The following RUNX1 variants were observed in gnomAD, a reference collection of about 807,000 sequenced individuals.
The protein encoded by RUNX1 is runt-related transcription factor 1.
A neutral mutation model predicts 42.8 loss-of-function variants in RUNX1; 19 were observed. The ratio of observed to expected loss-of-function variants is 0.44; its 90% CI spans 0.31 to 0.65. The LOEUF (loss-of-function observed/expected upper bound fraction) is 0.65. RUNX1 is among the 30% of genes least tolerant of loss of function. The pLI is 0.07. For missense variants in RUNX1, 528 were observed against 672.0 expected, an observed-to-expected ratio of 0.79 and a Z score of 2.37; for synonymous variants, 271 against 289.4, an observed-to-expected ratio of 0.94 and a Z score of 0.64.
At chr21:35,007,158 A>T (rs2059091202) in intron 2 of RUNX1, among the ~76,000 whole-genome samples, 1 of 152,248 alleles carries the variant, frequency 6.6e-6, no homozygotes, top group African/African-American at 2.4e-5. Context: ...ATTGAAATGT[A>T]ACATTTGGCT....
intron 2 of RUNX1, among the ~76,000 whole-genome samples, chr21:34,992,502 G>A (rs1466918625): frequency 6.6e-6 from 1 of 152,048 alleles, no homozygotes; most frequent in Non-Finnish European, 1.5e-5. Context: ...ATTAGGCAGT[G>A]AGATTGGTCC....
intron 2 of RUNX1, among the ~76,000 whole-genome samples, chr21:34,896,010 G>C (rs1417454356): frequency 2.0e-5 from 3 of 151,618 alleles, no homozygotes; most frequent in Non-Finnish European, 4.4e-5. Context: ...AGGTGAGGGA[G>C]GGGGAGGAGT....
chr21:35,017,401 T>C (rs975245689), intron 2 of RUNX1, among the ~76,000 whole-genome samples: 3 of 152,200 alleles, frequency 2.0e-5, no homozygotes, highest in South Asian at 2.1e-4. Context: ...GGGGGGACAA[T>C]TGCATCATCA....
chr21:34,937,140 G>T (rs753493951), intron 2 of RUNX1, among the ~76,000 whole-genome samples: 3 of 151,970 alleles, frequency 2.0e-5, no homozygotes, highest in South Asian at 4.2e-4. Flanking sequence ...ACCTAATAAA[G>T]CCTCACTGAA....
intron 2 of RUNX1, among the ~76,000 whole-genome samples, chr21:35,045,981 C>T (rs1219043978): frequency 6.6e-6 from 1 of 152,134 alleles, no homozygotes; most frequent in East Asian, 1.9e-4. Flanking sequence ...AACAAGGCTA[C>T]CTGAGCCATT....
chr21:34,908,859 G>C (rs1036248151), intron 2 of RUNX1, among the ~76,000 whole-genome samples: 26 of 152,178 alleles, frequency 1.7e-4, no homozygotes, highest in African/African-American at 5.3e-4. Context: ...ATATGTAACA[G>C]GCTTATCTTA....
At chr21:35,015,550 G>A (rs1043280104) in intron 2 of RUNX1, among the ~76,000 whole-genome samples, 1 of 152,174 alleles carries the variant, frequency 6.6e-6, no homozygotes, top group Non-Finnish European at 1.5e-5. Context: ...TGGAAGAGGT[G>A]GTGGCTGAGG....
chr21:34,995,435 CTTTTT>C (rs5843694), intron 2 of RUNX1, among the ~76,000 whole-genome samples: 9 of 82,074 alleles, frequency 1.1e-4, no homozygotes, highest in African/African-American at 3.4e-4. Flanking sequence ...TTTCTGGGAG[CTTTTT>C]TTTTTTTTTT....
intron 2 of RUNX1, among the ~76,000 whole-genome samples, chr21:34,930,291 T>TATAA (rs1569110394): frequency 6.5e-5 from 9 of 138,818 alleles, no homozygotes; most frequent in African/African-American, 2.3e-4. Flanking sequence ...TATATATATA[T>TATAA]AAATAAATAA....
intron 2 of RUNX1, among the ~76,000 whole-genome samples, chr21:34,967,928 G>A (rs2058733234): frequency 6.6e-6 from 1 of 152,184 alleles, no homozygotes; most frequent in South Asian, 2.1e-4. Context: ...TAGGTGCTGT[G>A]GCTGAGGCAA....
rs191295966 is a variant in RUNX1 at position 34,994,195 on chromosome 21, C to A, written c.58+54647G>T. Among the ~76,000 whole-genome samples the A allele has an allele frequency of 3.7e-3, 489 of 133,152 alleles. 15 individuals carry two copies. Among genetic ancestry groups the A allele is most frequent in the Admixed American group, 0.032 (442 of 13,784 alleles). The allele number at this position is 133,152 out of a possible 152,430, so 87.4% of individuals were successfully genotyped here. On this transcript the variant is annotated intron_variant, in intron 2 of 8. Coordinates refer to ENST00000675419, the MANE Select transcript of RUNX1 (RefSeq NM_001754.5). The stretch of plus-strand genomic sequence containing the variant: ...GTACCAGAACATCTAGACGGAACCA[C>A]ATTTTTTTTTACCATTGCTATTCAT...
intron 2 of RUNX1, among the ~76,000 whole-genome samples, chr21:34,919,384 A>G (rs2058336733): frequency 1.3e-5 from 2 of 152,174 alleles, no homozygotes; most frequent in Non-Finnish European, 2.9e-5. Flanking sequence ...TTTACGTTTG[A>G]GCCCTGTTAC....
intron 5 of RUNX1, among the ~76,000 whole-genome samples, chr21:34,874,230 A>T (rs1207340483): frequency 6.6e-6 from 1 of 152,062 alleles, no homozygotes; most frequent in Non-Finnish European, 1.5e-5. Flanking sequence ...CACTCTCCCC[A>T]TATTGACAGT....
intron 7 of RUNX1, among the ~76,000 whole-genome samples, chr21:34,800,808 A>G (rs2056597647): frequency 6.6e-6 from 1 of 152,142 alleles, no homozygotes; most frequent in Non-Finnish European, 1.5e-5. Flanking sequence ...GTGAGTGAAA[A>G]TAACTGATTT....
chr21:34,924,247 C>A (rs2058376171), intron 2 of RUNX1, among the ~76,000 whole-genome samples: 1 of 152,202 alleles, frequency 6.6e-6, no homozygotes, highest in African/African-American at 2.4e-5. Flanking sequence ...AATTTCAGTT[C>A]ATCTTTGATG....
intron 2 of RUNX1, among the ~76,000 whole-genome samples, chr21:34,941,232 G>A (rs1478303557): frequency 1.3e-5 from 2 of 152,166 alleles, no homozygotes; most frequent in Admixed American, 1.3e-4. Context: ...TGCCTCCAGG[G>A]TGCCTGTGGT....
At chr21:35,030,394 C>T (rs2059265103) in intron 2 of RUNX1, among the ~76,000 whole-genome samples, 1 of 151,790 alleles carries the variant, frequency 6.6e-6, no homozygotes, top group African/African-American at 2.4e-5. Flanking sequence ...TTTAAGGTGA[C>T]AAGCATGGAG....
chr21:34,865,964 C>T (rs994512920), intron 5 of RUNX1, among the ~76,000 whole-genome samples: 1 of 152,210 alleles, frequency 6.6e-6, no homozygotes, highest in African/African-American at 2.4e-5. Flanking sequence ...CCGTGTCTGA[C>T]GGGCGAGCCC....
Position 34,927,260 on chromosome 21 carries a change from G to A in RUNX1, c.59-34297C>T, listed in dbSNP as rs73900582. Among the ~76,000 whole-genome samples the A allele has an allele frequency of 6.5e-3, 982 of 152,236 alleles. 8 individuals carry two copies. Among genetic ancestry groups the A allele is most frequent in the African/African-American group, 0.022 (930 of 41,544 alleles). Reference sequence around the variant, plus strand: ...CCATTAACAAATTTAGTAACAGGCTGGGCTTCAGCCTCCTCTTCCCTTGCC... The same window carrying A: ...CCATTAACAAATTTAGTAACAGGCTAGGCTTCAGCCTCCTCTTCCCTTGCC... On this transcript the variant is annotated intron_variant, in intron 2 of 8. Coordinates refer to ENST00000675419, the MANE Select transcript of RUNX1 (RefSeq NM_001754.5).
Sources: gnomAD v4.1 joint callset for allele counts (sites outside exome capture counted in the v4.1 genomes callset) on GRCh38, gnomAD v4.1.1 for gene constraint, MANE v1.5 for transcripts, NCBI Gene and HGNC (gene_info 2026-07-23, HGNC 2026-07-21) for gene names.